FBXO24: variants seen among roughly 807,000 people sequenced by gnomAD.
FBXO24 encodes F-box only protein 24.
FBXO24 carries 30 observed loss-of-function variants against 63.5 expected under a neutral mutation model. The observed-to-expected ratio is 0.47, with a 90% CI of 0.35 to 0.64. The LOEUF (loss-of-function observed/expected upper bound fraction) is 0.64. Among genes scored for constraint, FBXO24 ranks in the 30% least tolerant of loss-of-function variants. FBXO24 has a pLI of 0.00. For missense variants in FBXO24, 624 were observed against 763.4 expected (o/e 0.82, Z 2.15); for synonymous variants, 300 against 305.0 (o/e 0.98, Z 0.17).
At chr7:100,596,864 G>A (rs1228424943) in intron 8 of FBXO24, among the ~76,000 whole-genome samples, 3 of 152,118 alleles carry the variant, frequency 2.0e-5, no homozygotes, top group Admixed American at 6.6e-5. Flanking sequence ...ACAACATGGT[G>A]AAACCCTGTC....
intron 8 of FBXO24, among the ~76,000 whole-genome samples, chr7:100,598,204 A>T (rs891827070): frequency 5.7e-4 from 87 of 152,300 alleles, no homozygotes; most frequent in African/African-American, 2.1e-3. Context: ...TATCTCTAAA[A>T]AATAAAAAAT....
At position 100,591,632 on chromosome 7, in the gene FBXO24, A is replaced by T. The variant is rs762466845; in HGVS notation, c.323-35A>T. Reference sequence around the variant, plus strand: ...CAACTCATCTCCCTCGTGTCATCTCATCCCTTGAACCTTCCATCTCCTTCC... The same window carrying T: ...CAACTCATCTCCCTCGTGTCATCTCTTCCCTTGAACCTTCCATCTCCTTCC... On this transcript the variant is annotated intron_variant, in intron 3 of 9. Transcript: ENST00000241071. The T allele has an allele frequency of 2.9e-5, 46 of 1,597,756 alleles. No homozygotes were observed. The Admixed American group carries it at 6.7e-4, about 23-fold the overall frequency.
intron 1 of FBXO24, 92 bp from the exon 2 acceptor site, chr7:100,589,885 A>G (rs1165686377): frequency 6.4e-7 from 1 of 1,555,744 alleles, no homozygotes; most frequent in East Asian, 2.3e-5. Flanking sequence ...AACTGTGCCC[A>G]GCTAGAGTCA....
At chr7:100,596,086 T>C (rs982812339) in intron 8 of FBXO24, among the ~76,000 whole-genome samples, 1 of 152,128 alleles carries the variant, frequency 6.6e-6, no homozygotes, top group Non-Finnish European at 1.5e-5. Context: ...TAGACCAGCC[T>C]GGGCAACATG....
intron 1 of FBXO24, among the ~76,000 whole-genome samples, chr7:100,587,498 T>C (rs1269939575): frequency 2.0e-5 from 3 of 151,934 alleles, no homozygotes; most frequent in African/African-American, 7.3e-5. Context: ...AGACGGGGTT[T>C]CACCGTGTTG....
Position 100,600,451 on chromosome 7 carries a change from A to G in FBXO24, c.1378-83A>G, listed in dbSNP as rs1367047118. On this transcript the variant is annotated intron_variant, in intron 9 of 9. Coordinates refer to ENST00000241071, the MANE Select transcript of FBXO24 (RefSeq NM_033506.3). The surrounding 1 kb of genome is among the most constrained non-coding windows in gnomAD (Gnocchi z 6.3). ...GGCTGGTGTGAGAGGGAAGAATGCA[A>G]TAGGCAGATTAGCCCGGGCACCCTG... is the stretch of plus-strand genomic sequence containing the variant. 1.6e-5 allele frequency: 25 copies of G among 1,518,208 alleles called. No individual in the cohort carries two copies. Among genetic ancestry groups the G allele is most frequent in the Non-Finnish European group, 2.1e-5 (24 of 1,134,550 alleles). 94.0% of individuals were successfully genotyped at this position (1,518,208 alleles called of 1,614,324 possible). A position where few individuals can be genotyped will look rare whatever the true frequency, so the allele number is the denominator to read the frequency against.
At position 100,586,373 on chromosome 7, in the gene FBXO24, C is replaced by T. The variant is rs572789034; in HGVS notation, c.-253C>T. On this transcript the variant is annotated 5_prime_UTR_variant, in exon 1 of 10. Coordinates refer to ENST00000241071, the MANE Select transcript of FBXO24 (RefSeq NM_033506.3). ...ACGCTCCAGGCCGTCCCGCCCAGCG[C>T]AGCTGCACCCAATCACAATGCTCAG... The T allele has an allele frequency of 3.2e-6, 2 of 630,376 alleles. No homozygotes were observed. Among genetic ancestry groups the T allele is most frequent in the South Asian group, 2.0e-5 (1 of 51,176 alleles). The allele number at this position is 630,376 out of a possible 1,614,324, so 39.0% of individuals were successfully genotyped here.
intron 8 of FBXO24, among the ~76,000 whole-genome samples, chr7:100,598,411 G>A (rs1802412931): frequency 6.6e-6 from 1 of 152,112 alleles, no homozygotes; most frequent in African/African-American, 2.4e-5. Context: ...GGAGAATGAG[G>A]GGGCAGAAGA....
At chr7:100,589,947 A>C (rs1801925606) in intron 1 of FBXO24, 30 bp from the exon 2 acceptor site, 2 of 1,602,510 alleles carry the variant, frequency 1.2e-6, no homozygotes, top group South Asian at 1.1e-5. Flanking sequence ...TGGGACCCTC[A>C]TGGGACCCTA....
At position 100,592,987 on chromosome 7, in the gene FBXO24, G is replaced by C. The variant is rs1243237678; in HGVS notation, c.763G>C (p.Glu255Gln). The change falls in exon 5 of 10, where the codon GAG becomes CAG. Residue 255 changes from glutamate (E) to glutamine (Q), a missense_variant. Glu to Gln is a conservative substitution (Grantham distance 29, BLOSUM62 2). This residue lies in a region of FBXO24 where 391 missense variants were observed against 469.1 expected (regional missense o/e 0.83). Coordinates refer to ENST00000241071, the MANE Select transcript of FBXO24 (RefSeq NM_033506.3). ...CAAGCAGATCGTGCTGGTTGGTCAGGAGACCCAGCGGGCTCTACTGCTCCT... is the reference window on the plus strand; with the variant it reads ...CAAGCAGATCGTGCTGGTTGGTCAGCAGACCCAGCGGGCTCTACTGCTCCT... ...TFKQIVLVGQ[E>Q]TQRALLLLTE... The C allele has an allele frequency of 3.1e-6, 5 of 1,614,070 alleles. No homozygotes were observed. Among genetic ancestry groups the C allele is most frequent in the Non-Finnish European group, 4.2e-6 (5 of 1,179,990 alleles).
Position 100,600,183 on chromosome 7 carries a change from C to T in FBXO24, c.1359C>T (p.Phe453=), listed in dbSNP as rs776986132. 1.8e-5 allele frequency: 29 copies of T among 1,569,416 alleles called. 1 individual carries two copies. In the Middle Eastern group the frequency reaches 1.0e-3, roughly 56 times the overall value. The change falls in exon 9 of 10, where the codon TTC becomes TTT. Residue 453 remains phenylalanine (F), a synonymous_variant. Coordinates refer to ENST00000241071, the MANE Select transcript of FBXO24 (RefSeq NM_033506.3). The surrounding 1 kb of genome is among the most constrained non-coding windows in gnomAD (Gnocchi z 6.3). ...GCTGGCCCAAGGGGAGTGCCTCCTT[C>T]GTCAAGCTCCAAGTCAAGGTCAGAG... ...LPGWPKGSAS[F]VKLQVKVPLC... is the part of the protein sequence containing the mutation.
At chr7:100,599,111 G>A (rs779490484) in intron 8 of FBXO24, among the ~76,000 whole-genome samples, 8 of 152,098 alleles carry the variant, frequency 5.3e-5, no homozygotes, top group Non-Finnish European at 8.8e-5. Context: ...GGCACATGCC[G>A]GGTGTGGTGG....
intron 6 of FBXO24, 21 bp from the exon 7 acceptor site, chr7:100,595,081 T>C: frequency 6.2e-7 from 1 of 1,613,530 alleles, no homozygotes; most frequent in Non-Finnish European, 8.5e-7. Flanking sequence ...GCTGCTGAGC[T>C]GAGGGCTCCT....
chr7:100,599,967 T>TA, intron 8 of FBXO24, 64 bp from the exon 9 acceptor site: 7 of 1,496,758 alleles, frequency 4.7e-6, no homozygotes, highest in Non-Finnish European at 6.4e-6. Flanking sequence ...GTCAACCTTT[T>TA]CCCACCCCAG....
chr7:100,591,594 T>C, intron 3 of FBXO24, 73 bp from the exon 4 acceptor site: 4 of 1,432,510 alleles, frequency 2.8e-6, no homozygotes, highest in East Asian at 2.3e-5. Context: ...GTCTAAGAAA[T>C]CTACCCAAGC....
intron 1 of FBXO24, among the ~76,000 whole-genome samples, chr7:100,588,821 GTCT>G (rs1407211846): frequency 6.6e-6 from 1 of 152,068 alleles, no homozygotes; most frequent in African/African-American, 2.4e-5. Flanking sequence ...AGCAAAAGCA[GTCT>G]TCTTTTTTGT....
At chr7:100,588,130 C>T (rs1017408975) in intron 1 of FBXO24, among the ~76,000 whole-genome samples, 1 of 152,202 alleles carries the variant, frequency 6.6e-6, no homozygotes, top group Non-Finnish European at 1.5e-5. Flanking sequence ...GCTCCCACCT[C>T]GGCCTCCCGA....
chr7:100,586,863 A>G, intron 1 of FBXO24, 199 bp downstream of exon 1: 3 of 243,498 alleles, frequency 1.2e-5, no homozygotes, highest in Non-Finnish European at 2.5e-5. Flanking sequence ...CAGCGGGGGG[A>G]CCTCCGACTG....
chr7:100,588,897 C>A (rs1801871434), intron 1 of FBXO24, among the ~76,000 whole-genome samples: 1 of 152,102 alleles, frequency 6.6e-6, no homozygotes, highest in African/African-American at 2.4e-5. Flanking sequence ...ACGATCATAG[C>A]TCACTGCTGC....
Sources: allele counts gnomAD v4.1 joint callset (sites outside exome capture counted in the v4.1 genomes callset), GRCh38; gene constraint gnomAD v4.1.1; regional missense constraint gnomAD v4.1.1; non-coding constraint Gnocchi (gnomAD v3.1); transcripts MANE v1.5; gene names NCBI Gene and HGNC (gene_info 2026-07-23, HGNC 2026-07-21).